ANK3: variants seen among roughly 807,000 people sequenced by gnomAD.
The protein encoded by ANK3 is ankyrin 3.
In ANK3, 57 loss-of-function variants were observed where a neutral mutation model predicts 370.9. The ratio of observed to expected loss-of-function variants is 0.15; its 90% CI spans 0.12 to 0.19. The LOEUF (loss-of-function observed/expected upper bound fraction) is 0.19, where lower values mean the gene tolerates loss of function less well. ANK3 is among the 10% of genes least tolerant of loss of function. The pLI, the probability that ANK3 is intolerant of heterozygous loss-of-function variation, is 1.00. For missense variants in ANK3, 4,439 were observed against 5,302.1 expected, an observed-to-expected ratio of 0.84 and a Z score of 5.06; for synonymous variants, 1,929 against 1,946.3, an observed-to-expected ratio of 0.99 and a Z score of 0.23.
chr10:60,397,302 C>A (rs2063262279), intron 2 of ANK3, among the ~76,000 whole-genome samples: 2 of 151,552 alleles, frequency 1.3e-5, no homozygotes, highest in Admixed American at 1.3e-4. Context: ...TATTGTGGAA[C>A]ATATCCACCA....
In ANK3 at chr10:60,547,089, CTT is replaced by C. The variant is rs5785455; in HGVS notation, c.96+68095_96+68096del. On this transcript the variant is annotated intron_variant, in intron 2 of 43. Coordinates refer to the ANK3 transcript ENST00000373827. ...GTTTGTCAGTTCCCTCAATGCAACT[CTT>C]TTTTTTTTTTTTTTTTTGAGAAGGA... Among the ~76,000 whole-genome samples the C allele has an allele frequency of 6.9e-3, 833 of 120,740 alleles. 7 individuals carry two copies. The highest frequency in any genetic ancestry group is 0.022 in the African/African-American group (690 of 31,478). 79.2% of individuals were successfully genotyped at this position (120,740 alleles called of 152,430 possible).
chr10:60,678,654 T>C (rs1403961516), intron 1 of ANK3, among the ~76,000 whole-genome samples: 1 of 152,220 alleles, frequency 6.6e-6, no homozygotes, highest in Non-Finnish European at 1.5e-5. Flanking sequence ...CAAACTTTTA[T>C]TTTATTCTGC....
intron 42 of ANK3, chr10:60,053,705 G>A (rs2131904763): frequency 7.7e-7 from 1 of 1,304,014 alleles, no homozygotes; most frequent in South Asian, 1.2e-5. Context: ...CATCCGTGTA[G>A]GAGCCGCACC....
chr10:60,691,248 C>T (rs922910250), intron 1 of ANK3, among the ~76,000 whole-genome samples: 1 of 152,116 alleles, frequency 6.6e-6, no homozygotes, highest in Non-Finnish European at 1.5e-5. Context: ...CAAACCCCAG[C>T]ATCATGCAGT....
intron 1 of ANK3, among the ~76,000 whole-genome samples, chr10:60,718,455 C>A (rs2132022208): frequency 6.6e-6 from 1 of 151,896 alleles, no homozygotes; most frequent in Admixed American, 6.6e-5. Context: ...GTCAATGATA[C>A]AGAGAATTTA....
At chr10:60,672,960 C>T (rs1283210583) in intron 1 of ANK3, among the ~76,000 whole-genome samples, 1 of 151,900 alleles carries the variant, frequency 6.6e-6, no homozygotes, top group African/African-American at 2.4e-5. Flanking sequence ...AGCATGATGA[C>T]TGTTCACTGT....
At chr10:60,436,939 C>G (rs1445234081) in intron 2 of ANK3, among the ~76,000 whole-genome samples, 1 of 152,162 alleles carries the variant, frequency 6.6e-6, no homozygotes, top group Non-Finnish European at 1.5e-5. Flanking sequence ...TGCAGAGAAT[C>G]AGTTATCACA....
At chr10:60,259,471 C>G (rs2097775801) in intron 7 of ANK3, among the ~76,000 whole-genome samples, 1 of 152,150 alleles carries the variant, frequency 6.6e-6, no homozygotes, top group African/African-American at 2.4e-5. Flanking sequence ...AACAAAAGCA[C>G]AGTGTAAGTA....
At chr10:60,558,798 A>G (rs1697075355) in intron 2 of ANK3, among the ~76,000 whole-genome samples, 2 of 152,204 alleles carry the variant, frequency 1.3e-5, no homozygotes, top group Admixed American at 1.3e-4. Flanking sequence ...GAGTAAATAT[A>G]TAATTTTCTA....
chr10:60,066,372 C>T (rs2081635449), intron 38 of ANK3, among the ~76,000 whole-genome samples: 1 of 152,126 alleles, frequency 6.6e-6, no homozygotes, highest in Admixed American at 6.6e-5. Flanking sequence ...CAAACATTTG[C>T]TCCAGTATAT....
chr10:60,671,922 T>G (rs7910130), intron 1 of ANK3, among the ~76,000 whole-genome samples: 50,800 of 152,096 alleles, frequency 0.33, 8,684 homozygotes, highest in African/African-American at 0.37. Flanking sequence ...CTCTGGGTCA[T>G]GTATGCAGAT....
chr10:60,382,970 T>A (rs2061751345), intron 1 of ANK3, among the ~76,000 whole-genome samples: 1 of 152,066 alleles, frequency 6.6e-6, no homozygotes, highest in Non-Finnish European at 1.5e-5. Flanking sequence ...TAGTAAATAA[T>A]TTAACTTTCA....
At position 60,469,004 on chromosome 10, in the gene ANK3, T is replaced by TATATATAC. The variant is rs1285530656; in HGVS notation, c.96+146181_96+146182insGTATATAT. ...ATATACCACTTTTAGTGTGTATATA[T>TATATATAC]ATATATATATATATACCACTTTTAG... On this transcript the variant is annotated intron_variant, in intron 2 of 43. Transcript: ENST00000373827. Among the ~76,000 whole-genome samples the TATATATAC allele has an allele frequency of 1.2e-3, 70 of 56,650 alleles. 5 individuals carry two copies. Among genetic ancestry groups the TATATATAC allele is most frequent in the African/African-American group, 4.1e-3 (70 of 16,932 alleles). The allele number at this position is 56,650 out of a possible 152,430, so 37.2% of individuals were successfully genotyped here.
Position 60,072,346 on chromosome 10 carries a change from T to C in ANK3, c.8535A>G (p.Gly2845=), listed in dbSNP as rs1264168930. 6.2e-7 allele frequency: 1 copy of C among 1,613,908 alleles called. No homozygotes were observed. Among genetic ancestry groups the C allele is most frequent in the Non-Finnish European group, 8.5e-7 (1 of 1,179,976 alleles). ...TTCTAAAGACCTTTTTGTCCCATGG[T>C]CCCCTAGTTGCTAAATCTGAGGTTA... The part of the protein sequence containing the change: ...CHITSDLATR[G]PWDKKVFRTW... Residue 2845 remains glycine, a synonymous_variant, in exon 37 of 44, where the codon GGA becomes GGG. Transcript: ENST00000280772.
intron 1 of ANK3, among the ~76,000 whole-genome samples, chr10:60,293,999 A>T (rs758024561): frequency 1.2e-4 from 18 of 152,212 alleles, no homozygotes; most frequent in Non-Finnish European, 2.6e-4. Context: ...ATGCTTAAGG[A>T]TCCTTATTAT....
intron 2 of ANK3, among the ~76,000 whole-genome samples, chr10:60,480,965 T>C (rs2075197996): frequency 6.6e-6 from 1 of 152,174 alleles, no homozygotes. Context: ...TCAGTTTTCA[T>C]GAACTAGACT....
chr10:60,334,377 C>A (rs1013162888), intron 1 of ANK3, among the ~76,000 whole-genome samples: 2 of 152,156 alleles, frequency 1.3e-5, no homozygotes, highest in African/African-American at 4.8e-5. Flanking sequence ...CTCCCTTCCC[C>A]CCGCACCTCA....
chr10:60,177,072 A>G (rs2095986628), intron 18 of ANK3, among the ~76,000 whole-genome samples: 1 of 152,166 alleles, frequency 6.6e-6, no homozygotes, highest in South Asian at 2.1e-4. Context: ...CCAGCCATGC[A>G]TGGCATGCAT....
intron 1 of ANK3, among the ~76,000 whole-genome samples, chr10:60,705,816 T>TTTTTTC (rs1554814186): frequency 8.0e-6 from 1 of 125,148 alleles, no homozygotes; most frequent in Non-Finnish European, 1.6e-5. Context: ...AGGTTTTTTT[T>TTTTTTC]TTTCTTTCTT....
Sources: gnomAD v4.1 joint callset for allele counts (sites outside exome capture counted in the v4.1 genomes callset) on GRCh38, gnomAD v4.1.1 for gene constraint, MANE v1.5 for transcripts, NCBI Gene and HGNC (gene_info 2026-07-23, HGNC 2026-07-21) for gene names.